Variants in SLC5A4 observed in about 807,000 individuals in gnomAD.
SLC5A4 encodes the protein probable glucose sensor protein SLC5A4.
SLC5A4 carries 55 observed loss-of-function variants against 70.3 expected under a neutral mutation model. That is an observed-to-expected ratio of 0.78 (90% confidence interval 0.63 to 0.98). The LOEUF is 0.98. SLC5A4 is among the 50% of genes least tolerant of loss of function. SLC5A4 has a pLI of 0.00. For missense variants in SLC5A4, 735 were observed against 839.2 expected, an observed-to-expected ratio of 0.88 and a Z score of 1.53; for synonymous variants, 268 against 305.7, an observed-to-expected ratio of 0.88 and a Z score of 1.29.
the SLC5A4 span, among the ~76,000 whole-genome samples, chr22:32,280,017 G>C: frequency 2.0e-5 from 3 of 152,090 alleles, no homozygotes; most frequent in African/African-American, 7.2e-5. Flanking sequence ...TGTTGTTGTT[G>C]TTTGTTTGTT....
chr22:32,336,304 G>A, the SLC5A4 span, among the ~76,000 whole-genome samples: 1 of 152,216 alleles, frequency 6.6e-6, no homozygotes, highest in East Asian at 1.9e-4. Flanking sequence ...CTGAGCTGGA[G>A]GCGTATTCAC....
the SLC5A4 span, chr22:32,272,564 C>T: frequency 1.6e-6 from 1 of 642,198 alleles, no homozygotes; most frequent in Non-Finnish European, 2.9e-6. Context: ...TGGAGGTGTA[C>T]AGCGTGGACT....
At chr22:32,237,348 A>C in intron 6 of SLC5A4, 24 bp from the exon 7 acceptor site, 1 of 1,526,036 alleles carries the variant, frequency 6.6e-7, no homozygotes, top group Middle Eastern at 1.7e-4. Flanking sequence ...GAAAAGAACC[A>C]GGGCATTTTA....
At chr22:32,303,036 TTTC>T in the SLC5A4 span, among the ~76,000 whole-genome samples, 12 of 118,910 alleles carry the variant, frequency 1.0e-4, no homozygotes, top group Admixed American at 2.3e-4. Context: ...ACTTATTTTT[TTTC>T]TTTTTTTAAG....
chr22:32,285,926 C>T, the SLC5A4 span, among the ~76,000 whole-genome samples: 52,061 of 151,504 alleles, frequency 0.34, 9,086 homozygotes, highest in Admixed American at 0.41. Context: ...TTAGTAGAGA[C>T]GGGGTTTCAC....
At chr22:32,251,098 A>G (rs1249664237) in intron 3 of SLC5A4, among the ~76,000 whole-genome samples, 1 of 143,364 alleles carries the variant, frequency 7.0e-6, no homozygotes, top group Non-Finnish European at 1.5e-5. Flanking sequence ...GGTTCTGCAC[A>G]TGTATCCCAG....
chr22:32,290,533 A>G, the SLC5A4 span, among the ~76,000 whole-genome samples: 1 of 152,136 alleles, frequency 6.6e-6, no homozygotes. Context: ...ATATTTTCAA[A>G]TGCTTTGGAT....
the SLC5A4 span, among the ~76,000 whole-genome samples, chr22:32,301,750 A>AGTT: frequency 6.6e-6 from 1 of 152,128 alleles, no homozygotes; most frequent in African/African-American, 2.4e-5. Flanking sequence ...CAGACTTCCC[A>AGTT]GTTTTAAAAC....
chr22:32,344,559 T>C, the SLC5A4 span, among the ~76,000 whole-genome samples: 1 of 152,178 alleles, frequency 6.6e-6, no homozygotes, highest in Non-Finnish European at 1.5e-5. Flanking sequence ...TCCATGTAAA[T>C]ATCCTGCAAA....
At chr22:32,271,232 TC>T in the SLC5A4 span, 1 of 792,026 alleles carries the variant, frequency 1.3e-6, no homozygotes, top group East Asian at 2.9e-5. Flanking sequence ...GTGAAGAACT[TC>T]CCTGTGGGGC....
At chr22:32,310,491 C>G in the SLC5A4 span, among the ~76,000 whole-genome samples, 2 of 138,812 alleles carry the variant, frequency 1.4e-5, no homozygotes, top group Admixed American at 1.5e-4. Context: ...GGCTGTGCAC[C>G]CCCTTATGGC....
the SLC5A4 span, among the ~76,000 whole-genome samples, chr22:32,290,472 T>C: frequency 6.6e-6 from 1 of 152,236 alleles, no homozygotes; most frequent in African/African-American, 2.4e-5. Flanking sequence ...CAGGACTCTT[T>C]AAATTTCTAT....
the SLC5A4 span, among the ~76,000 whole-genome samples, chr22:32,353,443 G>C: frequency 2.0e-5 from 3 of 152,078 alleles, no homozygotes; most frequent in African/African-American, 7.2e-5. Context: ...GTGACGGATT[G>C]TGCTCAGGAT....
rs181466652 is a variant in SLC5A4, at chr22:32,254,000, C to T, written c.207+142G>A. On this transcript the variant is annotated intron_variant, in intron 2 of 14. Transcript: ENST00000266086. The stretch of plus-strand genomic sequence containing the variant: ...TTCACCATGTTAGTCAGGCTGGTCT[C>T]GAACTCCTGACCTCAGATGATCTGC... The T allele has an allele frequency of 2.1e-4, 157 of 736,530 alleles. 2 individuals carry two copies. Among genetic ancestry groups the T allele is most frequent in the Admixed American group, 1.8e-3 (98 of 54,934 alleles). The allele number at this position is 736,530 out of a possible 1,614,324, so 45.6% of individuals were successfully genotyped here.
the SLC5A4 span, among the ~76,000 whole-genome samples, chr22:32,311,411 T>C: frequency 2.0e-5 from 3 of 152,166 alleles, no homozygotes; most frequent in South Asian, 2.1e-4. Flanking sequence ...CTAACACCCA[T>C]GGAATGAGTG....
At chr22:32,305,867 C>T in the SLC5A4 span, among the ~76,000 whole-genome samples, 6 of 150,732 alleles carry the variant, frequency 4.0e-5, no homozygotes, top group Non-Finnish European at 5.9e-5. Context: ...GGCTCTGTCT[C>T]GTCTGGTGCC....
chr22:32,324,886 T>C, the SLC5A4 span, among the ~76,000 whole-genome samples: 2 of 152,216 alleles, frequency 1.3e-5, no homozygotes, highest in Non-Finnish European at 2.9e-5. Flanking sequence ...TGCACAGCCT[T>C]CTGGAAGGAA....
intron 5 of SLC5A4, among the ~76,000 whole-genome samples, chr22:32,239,531 TA>T (rs1926276181): frequency 5.5e-4 from 5 of 9,160 alleles, no homozygotes; most frequent in South Asian, 3.1e-3. Flanking sequence ...TATATATATA[TA>T]TATATATATA....
the SLC5A4 span, among the ~76,000 whole-genome samples, chr22:32,289,662 G>GT: frequency 6.6e-6 from 1 of 152,192 alleles, no homozygotes; most frequent in African/African-American, 2.4e-5. Flanking sequence ...TGCCATGATT[G>GT]TAAGTTTCCT....
Sources: gnomAD v4.1 joint callset for allele counts (sites outside exome capture counted in the v4.1 genomes callset) on GRCh38, gnomAD v4.1.1 for gene constraint, MANE v1.5 for transcripts, NCBI Gene and HGNC (gene_info 2026-07-23, HGNC 2026-07-21) for gene names.